The following IDI2 variants were observed in gnomAD, a reference collection of about 807,000 sequenced individuals.
The protein encoded by IDI2 is isopentenyl-diphosphate delta-isomerase 2.
IDI2 carries 18 observed loss-of-function variants against 14.8 expected under a neutral mutation model. The ratio of observed to expected loss-of-function variants is 1.22; its 90% CI spans 0.84 to 1.80. The LOEUF (loss-of-function observed/expected upper bound fraction) is 1.80. IDI2 is among the 40% of genes most tolerant of loss of function. The probability of loss-of-function intolerance (pLI) is 0.00; values close to 1 mark genes in which losing one functional copy is unlikely to be tolerated. For missense variants in IDI2, 316 were observed against 283.2 expected, an observed-to-expected ratio of 1.12 and a Z score of -0.83; for synonymous variants, 133 against 109.6, an observed-to-expected ratio of 1.21 and a Z score of -1.33.
At chr10:1,021,833 A>G (rs1239310153) in intron 3 of IDI2, among the ~76,000 whole-genome samples, 1 of 152,068 alleles carries the variant, frequency 6.6e-6, no homozygotes, top group Admixed American at 6.6e-5. Flanking sequence ...GGAGGAGAAA[A>G]CCTCGGCCAC....
Position 1,019,780 on chromosome 10 carries a change from C to G in IDI2, c.421G>C (p.Asp141His). The change falls in exon 5 of 5, where the codon GAC (aspartate) becomes CAC (histidine). Residue 141 changes from aspartate (D) to histidine (H), a missense_variant. Asp to His is a moderately conservative substitution (Grantham distance 81). Transcript: ENST00000277517. ...ATTTCATGCTCTCCCCAAATTCTGTCTGATTTTGCCTTGTGGTGATAGATT... is the reference window on the plus strand; with the variant it reads ...ATTTCATGCTCTCCCCAAATTCTGTGTGATTTTGCCTTGTGGTGATAGATT... ...MTIYHHKAKS[D>H]RIWGEHEICY... is the part of the protein sequence containing the mutation. The G allele has an allele frequency of 6.2e-7, 1 of 1,614,102 alleles. No homozygotes were observed. Among genetic ancestry groups the G allele is most frequent in the South Asian group, 1.1e-5 (1 of 91,082 alleles).
At position 1,019,703 on chromosome 10, in the gene IDI2, A is replaced by G. The variant is rs748896256; in HGVS notation, c.498T>C (p.Ser166=). The change falls in exon 5 of 5, where the codon AGT becomes AGC. Residue 166 remains serine, a synonymous_variant. Coordinates refer to ENST00000277517, the MANE Select transcript of IDI2 (RefSeq NM_033261.3). ...RKNVTLNPDP[S]ETKSILYLSQ... is the part of the protein sequence containing the mutation. ...ACAGGTAGAGGATGCTTTTCGTTTC[A>G]CTGGGATCCGGGTTCAGAGTGACGT... 13 of 1,613,798 alleles carry G rather than the reference A, an allele frequency of 8.1e-6. No individual in the cohort carries two copies. The highest frequency in any genetic ancestry group is 1.1e-5 in the Non-Finnish European group (13 of 1,180,008).
intron 2 of IDI2, among the ~76,000 whole-genome samples, chr10:1,024,326 C>A (rs1312036056): frequency 6.6e-6 from 1 of 152,200 alleles, no homozygotes; most frequent in Non-Finnish European, 1.5e-5. Flanking sequence ...TGGTAGAATT[C>A]TTGCTGAAAC....
At position 1,020,898 on chromosome 10, in the gene IDI2, C is replaced by T. The variant is rs772738098; in HGVS notation, c.236-1G>A. On this transcript the variant is annotated splice_acceptor_variant, in intron 3 of 4. Transcript: ENST00000277517. LOFTEE classifies it high-confidence loss of function. ...CTACTACAGGAGTCGGTAAAATACC[C>T]TGGAAAAAATGCATGTGGGAACATC... The T allele has an allele frequency of 1.7e-5, 27 of 1,606,844 alleles. No individual in the cohort carries two copies. Among genetic ancestry groups the T allele is most frequent in the South Asian group, 6.7e-5 (6 of 89,730 alleles).
chr10:1,023,240 C>G (rs1216471852), intron 2 of IDI2, among the ~76,000 whole-genome samples: 1 of 152,126 alleles, frequency 6.6e-6, no homozygotes, highest in Non-Finnish European at 1.5e-5. Flanking sequence ...CTTTGGGAGG[C>G]TGAAGTGGGC....
At chr10:1,021,286 G>A (rs1020804142) in intron 3 of IDI2, among the ~76,000 whole-genome samples, 1 of 152,256 alleles carries the variant, frequency 6.6e-6, no homozygotes, top group Non-Finnish European at 1.5e-5. Flanking sequence ...GGGCTGGGTG[G>A]CTGCACCAGC....
At chr10:1,025,581 T>G (rs1832203161) in intron 1 of IDI2, among the ~76,000 whole-genome samples, 1 of 152,026 alleles carries the variant, frequency 6.6e-6, no homozygotes, top group Non-Finnish European at 1.5e-5. Context: ...TCATTTATCT[T>G]CATGTAAAAC....
At chr10:1,025,722 A>C (rs1442570406) in intron 1 of IDI2, 94 bp downstream of exon 1, 1 of 152,148 alleles carries the variant, frequency 6.6e-6, no homozygotes, top group Non-Finnish European at 1.5e-5. Flanking sequence ...TGGACATGAG[A>C]TACAATAGAA....
Position 1,019,633 on chromosome 10 carries a change from C to T in IDI2, c.568G>A (p.Glu190Lys). The change falls in exon 5 of 5, where the codon GAA becomes AAA. Residue 190 changes from glutamate to lysine, a missense_variant. Glu to Lys is a moderately conservative substitution (Grantham distance 56). Transcript: ENST00000277517. ...WELLEREARG[E>K]VKVTPWLRTI... is the part of the protein sequence containing the mutation. ...CTTAGCCAGGGGGTGACTTTGACTT[C>T]ACCCCTCGCCTCCCTCTCCAGCAGC... 1 of 1,614,100 alleles carries T rather than the reference C, an allele frequency of 6.2e-7. No homozygotes were observed. The highest frequency in any genetic ancestry group is 8.5e-7 in the Non-Finnish European group (1 of 1,180,024).
chr10:1,025,055 AC>A (rs1483159809), intron 1 of IDI2, among the ~76,000 whole-genome samples: 1 of 88,626 alleles, frequency 1.1e-5, no homozygotes, highest in African/African-American at 3.6e-5. Context: ...CACACACAAA[AC>A]ACACCGAGGT....
rs779206640 is a variant in IDI2, at chr10:1,019,697, CG to C, written c.503del (p.Thr168ArgfsTer30). The stretch of plus-strand genomic sequence containing the variant: ...CCTGGGACAGGTAGAGGATGCTTTT[CG>C]TTTCACTGGGATCCGGGTTCAGAGT... Reference protein sequence around the residue: ...NVTLNPDPSETKSILYLSQEE... With the variant: ...NVTLNPDPSEXKSILYLSQEE... On this transcript the variant is annotated frameshift_variant, in exon 5 of 5. Coordinates refer to ENST00000277517, the MANE Select transcript of IDI2 (RefSeq NM_033261.3). LOFTEE classifies it low-confidence loss of function (END_TRUNC). The C allele has an allele frequency of 6.2e-7, 1 of 1,614,012 alleles. No homozygotes were observed. The highest frequency in any genetic ancestry group is 2.2e-5 in the East Asian group (1 of 44,838).
intron 2 of IDI2, among the ~76,000 whole-genome samples, chr10:1,024,190 G>T (rs1311091876): frequency 2.0e-5 from 3 of 152,140 alleles, no homozygotes; most frequent in Admixed American, 6.6e-5. Context: ...GTGGGAAGGG[G>T]GTTCTGGCTA....
chr10:1,022,123 G>T (rs1479050817), intron 3 of IDI2, among the ~76,000 whole-genome samples: 1 of 152,138 alleles, frequency 6.6e-6, no homozygotes, highest in East Asian at 1.9e-4. Flanking sequence ...CCCGGGTGTG[G>T]TGGCGGGCGC....
At chr10:1,024,480 G>C in intron 2 of IDI2, 102 bp downstream of exon 2, 1 of 1,292,848 alleles carries the variant, frequency 7.7e-7, no homozygotes, top group Non-Finnish European at 1.1e-6. Flanking sequence ...CCCAGTGGTC[G>C]CCTCCTAGCC....
Position 1,023,345 on chromosome 10 carries a change from A to G in IDI2, c.143-570T>C, listed in dbSNP as rs1397110407. On this transcript the variant is annotated intron_variant, in intron 2 of 4. Transcript: ENST00000277517. Reference sequence around the variant, plus strand: ...AAAAAAATTAGCTGGGCGTGGTGGCAGGTGCCTGTAGTCCAAGCTACTCGG... The same window carrying G: ...AAAAAAATTAGCTGGGCGTGGTGGCGGGTGCCTGTAGTCCAAGCTACTCGG... 2.6e-5 allele frequency among the ~76,000 whole-genome samples: 4 copies of G among 152,110 alleles called. No homozygotes were observed. The South Asian group carries it at 8.3e-4, about 32-fold the overall frequency.
intron 2 of IDI2, among the ~76,000 whole-genome samples, chr10:1,024,131 A>G (rs749978393): frequency 2.6e-5 from 4 of 152,210 alleles, no homozygotes; most frequent in Non-Finnish European, 5.9e-5. Context: ...ACAACACCCA[A>G]GGAGCAGGCT....
chr10:1,020,733 C>A, intron 4 of IDI2, 34 bp downstream of exon 4: 1 of 1,583,916 alleles, frequency 6.3e-7, no homozygotes, highest in South Asian at 1.2e-5. Context: ...CCTGGACTCC[C>A]GTGGACACAG....
intron 3 of IDI2, among the ~76,000 whole-genome samples, chr10:1,021,497 GTGCTTCCTTCGGTCAC>G (rs1345909922): frequency 3.9e-5 from 6 of 152,226 alleles, no homozygotes; most frequent in Non-Finnish European, 8.8e-5. Flanking sequence ...CAGACCCTCA[GTGCTTCCTTCGGTCAC>G]TCTGCAAGGA....
chr10:1,019,218 C>A lies in IDI2; in HGVS notation c.*299G>T. 1 of 312,430 alleles carries A rather than the reference C, an allele frequency of 3.2e-6. No individual in the cohort carries two copies. The highest frequency in any genetic ancestry group is 6.1e-6 in the Non-Finnish European group (1 of 164,704). The allele number at this position is 312,430 out of a possible 1,614,324, so 19.4% of individuals were successfully genotyped here. A position where few individuals can be genotyped will look rare whatever the true frequency, so the allele number is the denominator to read the frequency against. On this transcript the variant is annotated 3_prime_UTR_variant, in exon 5 of 5. Transcript: ENST00000277517. ...GCCTGCTTCAGGACTCTCAAGATCT[C>A]CCCAAGACTTTCAGGATCAGCTGCT...
Sources: gnomAD v4.1 joint callset for allele counts (sites outside exome capture counted in the v4.1 genomes callset) on GRCh38, gnomAD v4.1.1 for gene constraint, MANE v1.5 for transcripts, NCBI Gene and HGNC (gene_info 2026-07-23, HGNC 2026-07-21) for gene names.